LY96: variants seen among roughly 807,000 people sequenced by gnomAD.
The protein encoded by LY96 is lymphocyte antigen 96, also known as myeloid differentiation protein-2.
Under a neutral mutation model 18.9 loss-of-function variants are expected in LY96, and 18 were observed. The observed-to-expected ratio is 0.95, with a 90% CI of 0.66 to 1.41. The LOEUF is 1.41. Ranked by LOEUF, LY96 falls within the 40% of genes most tolerant of loss-of-function variation. LY96 has a pLI of 0.00. For missense variants in LY96, 175 were observed against 182.4 expected (o/e 0.96, Z 0.23); for synonymous variants, 66 against 62.6 (o/e 1.06, Z -0.26).
At chr8:74,051,105 G>A in the LY96 span, among the ~76,000 whole-genome samples, 1 of 152,186 alleles carries the variant, frequency 6.6e-6, no homozygotes, top group African/African-American at 2.4e-5. Context: ...ACATAAGCAC[G>A]AATGTGGCCA....
chr8:74,081,141 C>CTTT, the LY96 span, among the ~76,000 whole-genome samples: 4 of 142,628 alleles, frequency 2.8e-5, no homozygotes, highest in East Asian at 2.0e-4. Context: ...TTCCTTCCTT[C>CTTT]CTTCTTTCTT....
chr8:74,044,588 T>A, the LY96 span, among the ~76,000 whole-genome samples: 1 of 151,178 alleles, frequency 6.6e-6, no homozygotes, highest in African/African-American at 2.4e-5. Flanking sequence ...AAAAAAAAAA[T>A]TGGAGCTGAT....
the LY96 span, among the ~76,000 whole-genome samples, chr8:74,061,669 G>T: frequency 1.1e-4 from 17 of 152,290 alleles, no homozygotes; most frequent in Non-Finnish European, 4.4e-5. Context: ...AAAAAAAGAG[G>T]TTATAGAATA....
chr8:74,063,238 G>A, the LY96 span, among the ~76,000 whole-genome samples: 1 of 152,190 alleles, frequency 6.6e-6, no homozygotes, highest in Non-Finnish European at 1.5e-5. Flanking sequence ...TAATTCAAGA[G>A]TGAGCAAGGA....
At chr8:74,051,704 C>A in the LY96 span, among the ~76,000 whole-genome samples, 2 of 152,158 alleles carry the variant, frequency 1.3e-5, no homozygotes, top group Admixed American at 1.3e-4. Context: ...AGAGAGTGCC[C>A]TTCCCTCTCC....
chr8:74,040,696 CTGTTTTTTT>C, the LY96 span, among the ~76,000 whole-genome samples: 3 of 131,176 alleles, frequency 2.3e-5, no homozygotes, highest in Non-Finnish European at 3.2e-5. Flanking sequence ...CTCTATGTGT[CTGTTTTTTT>C]TTTTTTTTTT....
chr8:74,004,867 C>T lies in LY96; in HGVS notation c.184C>T (p.His62Tyr), dbSNP rs1816379194. ...IELKRSKGLL[H>Y]IFYIPRRDLK... ...ATTGAAAAGATCCAAAGGATTATTG[C>T]ACATTTTCTACATTCCAAGTAAGTT... Residue 62 changes from histidine (H) to tyrosine (Y), a missense_variant, in exon 2 of 5, where the codon CAC (histidine) becomes TAC (tyrosine). Coordinates refer to ENST00000284818, the MANE Select transcript of LY96 (RefSeq NM_015364.5). The T allele has an allele frequency of 6.3e-7, 1 of 1,591,548 alleles. No individual in the cohort carries two copies.
downstream of LY96, among the ~76,000 whole-genome samples, chr8:74,030,055 G>A (rs1165724307): frequency 6.6e-6 from 1 of 152,216 alleles, no homozygotes; most frequent in Admixed American, 6.5e-5. Context: ...AGCTGAGACA[G>A]AATTAGTGTA....
chr8:74,084,125 A>G, the LY96 span, among the ~76,000 whole-genome samples: 1 of 150,822 alleles, frequency 6.6e-6, no homozygotes, highest in South Asian at 2.1e-4. Flanking sequence ...CTTCCTCGTG[A>G]TGTTTAACCT....
downstream of LY96, chr8:74,029,098 G>C (rs1038607235): frequency 4.5e-6 from 5 of 1,122,764 alleles, no homozygotes; most frequent in African/African-American, 7.7e-5. Flanking sequence ...TATTGTTCCT[G>C]TTTTAAGGGT....
At chr8:74,033,045 G>A (rs1471597512), downstream of LY96, among the ~76,000 whole-genome samples, 2 of 152,134 alleles carry the variant, frequency 1.3e-5, no homozygotes, top group African/African-American at 4.8e-5. Context: ...GGTAAATTTT[G>A]GGGTTTAGGG....
chr8:74,048,456 A>C, the LY96 span, among the ~76,000 whole-genome samples: 1 of 152,076 alleles, frequency 6.6e-6, no homozygotes, highest in Non-Finnish European at 1.5e-5. Flanking sequence ...GGGCCTAAGC[A>C]GGCCAGGACT....
the LY96 span, among the ~76,000 whole-genome samples, chr8:74,088,706 C>T: frequency 2.0e-5 from 3 of 152,200 alleles, no homozygotes; most frequent in Non-Finnish European, 4.4e-5. Flanking sequence ...GTGCCTCAGC[C>T]TCCCAAGTAG....
At chr8:74,015,371 G>A (rs897142443) in intron 3 of LY96, among the ~76,000 whole-genome samples, 6 of 152,196 alleles carry the variant, frequency 3.9e-5, no homozygotes, top group African/African-American at 1.4e-4. Context: ...TCCCTCTGTA[G>A]GAGCTAGGCA....
intron 3 of LY96, among the ~76,000 whole-genome samples, chr8:74,023,890 T>C (rs1816817957): frequency 6.6e-6 from 1 of 152,192 alleles, no homozygotes; most frequent in Non-Finnish European, 1.5e-5. Context: ...ACAAATGATA[T>C]TAAATTGCAA....
At chr8:74,061,260 C>T in the LY96 span, among the ~76,000 whole-genome samples, 1 of 152,190 alleles carries the variant, frequency 6.6e-6, no homozygotes, top group Non-Finnish European at 1.5e-5. Flanking sequence ...GAAGGCAGAG[C>T]CCTCATATGA....
chr8:74,092,903 T>C, the LY96 span, among the ~76,000 whole-genome samples: 1 of 152,222 alleles, frequency 6.6e-6, no homozygotes, highest in Non-Finnish European at 1.5e-5. Flanking sequence ...CCTGTTTCAA[T>C]CCATCCTCTG....
intron 3 of LY96, among the ~76,000 whole-genome samples, chr8:74,018,082 C>T (rs915264480): frequency 6.6e-6 from 1 of 152,010 alleles, no homozygotes; most frequent in Non-Finnish European, 1.5e-5. Context: ...GGGCTAAATG[C>T]CCCAATTAAA....
At chr8:74,080,990 CTTTCTTTCTTTCTT>C in the LY96 span, among the ~76,000 whole-genome samples, 17 of 78,954 alleles carry the variant, frequency 2.2e-4, no homozygotes, top group South Asian at 9.2e-4. Flanking sequence ...CTCTCTCTTT[CTTTCTTTCTTTCTT>C]TCTTTCTTTC....
Sources: gnomAD v4.1 joint callset for allele counts (sites outside exome capture counted in the v4.1 genomes callset) on GRCh38, gnomAD v4.1.1 for gene constraint, MANE v1.5 for transcripts, NCBI Gene and HGNC (gene_info 2026-07-23, HGNC 2026-07-21) for gene names.